FILIP1: variants seen among roughly 807,000 people sequenced by gnomAD.
FILIP1 encodes the protein filamin A interacting protein 1.
FILIP1 carries 61 observed loss-of-function variants against 102.1 expected under a neutral mutation model. The ratio of observed to expected loss-of-function variants is 0.60; its 90% CI spans 0.49 to 0.74. The LOEUF (loss-of-function observed/expected upper bound fraction) is 0.74. Among genes scored for constraint, FILIP1 ranks in the 30% least tolerant of loss-of-function variants. FILIP1 has a pLI of 0.00. For synonymous variants in FILIP1, 491 were observed against 526.9 expected, an observed-to-expected ratio of 0.93 and a Z score of 0.93; for missense variants, 1,314 against 1,441.2, an observed-to-expected ratio of 0.91 and a Z score of 1.43.
downstream of FILIP1, among the ~76,000 whole-genome samples, chr6:75,304,460 C>A (rs752666120): frequency 1.5e-4 from 23 of 152,174 alleles, no homozygotes; most frequent in Non-Finnish European, 2.2e-4. Flanking sequence ...TAGTCATTCA[C>A]CTGCCTCAGC....
exon 7 of FILIP1, chr6:75,294,679 T>A (rs1182717902): frequency 6.6e-6 from 1 of 151,716 alleles, no homozygotes; most frequent in East Asian, 1.9e-4. Flanking sequence ...GTTTTGGGGG[T>A]TTTTGTGTGT....
At chr6:75,442,427 A>G (rs1451552133) in intron 1 of FILIP1, among the ~76,000 whole-genome samples, 5 of 152,196 alleles carry the variant, frequency 3.3e-5, no homozygotes, top group Admixed American at 3.3e-4. Flanking sequence ...GGTTGTAGCG[A>G]GCCAAGATCA....
At chr6:75,371,735 C>T (rs150437981) in intron 2 of FILIP1, among the ~76,000 whole-genome samples, 1 of 152,228 alleles carries the variant, frequency 6.6e-6, no homozygotes, top group East Asian at 1.9e-4. Flanking sequence ...AGAGTCTTTT[C>T]AACAAATGTT....
intron 1 of FILIP1, among the ~76,000 whole-genome samples, chr6:75,450,116 AT>A (rs1339067947): frequency 6.6e-6 from 1 of 151,748 alleles, no homozygotes. Context: ...CTTTTTAAAA[AT>A]TTTTTTTGGT....
At chr6:75,469,880 G>C (rs897953646) in intron 1 of FILIP1, among the ~76,000 whole-genome samples, 1 of 152,010 alleles carries the variant, frequency 6.6e-6, no homozygotes. Flanking sequence ...TGATACACTC[G>C]TGTGTGCATC....
intron 2 of FILIP1, among the ~76,000 whole-genome samples, chr6:75,382,296 C>CA (rs1459698764): frequency 2.6e-5 from 4 of 152,246 alleles, no homozygotes; most frequent in Non-Finnish European, 5.9e-5. Flanking sequence ...TGCTGGGAGA[C>CA]AGCCCTAGAG....
At chr6:75,439,365 CA>C (rs11321756) in intron 1 of FILIP1, among the ~76,000 whole-genome samples, 101,197 of 146,604 alleles carry the variant, frequency 0.69, 35,148 homozygotes, top group African/African-American at 0.84. Context: ...AGACTCCGTC[CA>C]AAAAAAAAAA....
intron 1 of FILIP1, among the ~76,000 whole-genome samples, chr6:75,437,677 GGA>G (rs1778071615): frequency 6.6e-6 from 1 of 152,196 alleles, no homozygotes; most frequent in South Asian, 2.1e-4. Flanking sequence ...AATGGAACAA[GGA>G]GAGATGTACT....
At chr6:75,393,418 A>G (rs13199837) in intron 2 of FILIP1, among the ~76,000 whole-genome samples, 1 of 152,198 alleles carries the variant, frequency 6.6e-6, no homozygotes. Context: ...ATTCCTTGAA[A>G]GATCTTTTAA....
At chr6:75,329,314 C>A (rs1455201476) in intron 4 of FILIP1, among the ~76,000 whole-genome samples, 1 of 152,154 alleles carries the variant, frequency 6.6e-6, no homozygotes, top group Non-Finnish European at 1.5e-5. Context: ...TCTTGACACT[C>A]CCACTTTTCA....
At chr6:75,447,156 T>G (rs1778466592) in intron 1 of FILIP1, among the ~76,000 whole-genome samples, 1 of 152,170 alleles carries the variant, frequency 6.6e-6, no homozygotes, top group Non-Finnish European at 1.5e-5. Context: ...TAAAAACCTT[T>G]ATATATTTTT....
At chr6:75,321,629 C>T (rs1246478742) in intron 4 of FILIP1, among the ~76,000 whole-genome samples, 4 of 152,010 alleles carry the variant, frequency 2.6e-5, no homozygotes, top group African/African-American at 7.2e-5. Context: ...CCCGTCTCTA[C>T]TAAAAATACA....
chr6:75,400,689 C>A (rs1776626273), intron 2 of FILIP1, among the ~76,000 whole-genome samples: 1 of 152,066 alleles, frequency 6.6e-6, no homozygotes, highest in Non-Finnish European at 1.5e-5. Flanking sequence ...GGCCCCCCAA[C>A]AGTCTGGTGC....
chr6:75,436,385 G>C (rs1204700725), intron 1 of FILIP1, among the ~76,000 whole-genome samples: 4 of 150,540 alleles, frequency 2.7e-5, no homozygotes, highest in African/African-American at 9.7e-5. Context: ...AAAAAAAGAA[G>C]ACACTTCTGC....
In FILIP1 at chr6:75,313,156, G is replaced by A; in HGVS notation, c.2676C>T (p.Ser892=). The change falls in exon 5 of 6, where the codon TCC becomes TCT. Residue 892 remains serine (S), a synonymous_variant. Transcript: ENST00000237172. This position sits in a 1 kb window ranked among gnomAD's most constrained non-coding sequence, Gnocchi z 4.2. The stretch of plus-strand genomic sequence containing the variant: ...CTACCTCTCCTGGGTGCCCTGGACT[G>A]GAATTTGTTCGGGGCCCTTTCTCCT... ...ITQEKGPRTN[S]SPGHPGEVVL... 1 of 1,614,140 alleles carries A rather than the reference G, an allele frequency of 6.2e-7. No individual in the cohort carries two copies.
At chr6:75,403,868 G>A (rs1437082619) in intron 2 of FILIP1, among the ~76,000 whole-genome samples, 1 of 152,186 alleles carries the variant, frequency 6.6e-6, no homozygotes, top group Admixed American at 6.5e-5. Flanking sequence ...TAGTTTGGCA[G>A]CAGTTATCCA....
At chr6:75,400,117 C>T (rs547975349) in intron 2 of FILIP1, among the ~76,000 whole-genome samples, 4 of 152,122 alleles carry the variant, frequency 2.6e-5, no homozygotes, top group Non-Finnish European at 5.9e-5. Context: ...GGCACTGTGA[C>T]AGGTAGAAAA....
Position 75,314,098 on chromosome 6 carries a change from T to C in FILIP1, c.1734A>G (p.Lys578=). Residue 578 remains lysine (K), a synonymous_variant, in exon 5 of 6, where the codon AAA becomes AAG. Coordinates refer to ENST00000237172, the MANE Select transcript of FILIP1 (RefSeq NM_015687.5). ...AGGATTTTTCTTCTTCACTTTTCAA[T>C]TTGCCTATCAACTCATCTCTTTCTC... is the stretch of plus-strand genomic sequence containing the variant. ...LTRERDELIG[K]LKSEEEKSSE... 1 of 1,504,676 alleles carries C rather than the reference T, an allele frequency of 6.6e-7. No homozygotes were observed. Among genetic ancestry groups the C allele is most frequent in the South Asian group, 1.4e-5 (1 of 70,510 alleles). The allele number at this position is 1,504,676 out of a possible 1,614,324, so 93.2% of individuals were successfully genotyped here. A position where few individuals can be genotyped will look rare whatever the true frequency, so the allele number is the denominator to read the frequency against.
At chr6:75,487,224 T>C (rs1014532621) in intron 1 of FILIP1, among the ~76,000 whole-genome samples, 1 of 152,206 alleles carries the variant, frequency 6.6e-6, no homozygotes, top group South Asian at 2.1e-4. Context: ...TCAAGACTTA[T>C]AGAATAATTA....
Sources: allele counts gnomAD v4.1 joint callset (sites outside exome capture counted in the v4.1 genomes callset), GRCh38; gene constraint gnomAD v4.1.1; non-coding constraint Gnocchi (gnomAD v3.1); transcripts MANE v1.5; gene names NCBI Gene and HGNC (gene_info 2026-07-23, HGNC 2026-07-21).